GABRG3: variants seen among roughly 807,000 people sequenced by gnomAD.
GABRG3 encodes the protein gamma-aminobutyric acid receptor subunit gamma-3.
In GABRG3, 25 loss-of-function variants were observed where a neutral mutation model predicts 48.8. The ratio of observed to expected loss-of-function variants is 0.51; its 90% CI spans 0.37 to 0.72. GABRG3 has a LOEUF of 0.72. GABRG3 is among the 30% of genes least tolerant of loss of function. The pLI, the probability that GABRG3 is intolerant of heterozygous loss-of-function variation, is 0.00. For synonymous variants in GABRG3, 227 were observed against 217.6 expected (o/e 1.04, Z -0.38); for missense variants, 394 against 577.9 (o/e 0.68, Z 3.26).
chr15:27,428,555 T>C (rs78738350), intron 5 of GABRG3, among the ~76,000 whole-genome samples: 4,080 of 152,376 alleles, frequency 0.027, 85 homozygotes, highest in Non-Finnish European at 0.044. Flanking sequence ...TGACACTTTT[T>C]TTATTATTTG....
In GABRG3 at chr15:26,976,733, T is replaced by A. The variant is rs1309250473; in HGVS notation, c.54-269T>A. Among the ~76,000 whole-genome samples the A allele has an allele frequency of 6.6e-6, 1 of 152,216 alleles. No individual in the cohort carries two copies. Among genetic ancestry groups the A allele is most frequent in the Non-Finnish European group, 1.5e-5 (1 of 68,038 alleles). On this transcript the variant is annotated intron_variant, in intron 1 of 9. Transcript: ENST00000615808. This position sits in a 1 kb window ranked among gnomAD's most constrained non-coding sequence, Gnocchi z 7.8. ...CTCTGGTGTTGTTTACCTGCCACGT[T>A]GTCTGTAGTTTAACTGGGATGGGGG...
At chr15:27,161,874 A>G (rs1483640171) in intron 3 of GABRG3, among the ~76,000 whole-genome samples, 1 of 152,190 alleles carries the variant, frequency 6.6e-6, no homozygotes, top group African/African-American at 2.4e-5. Flanking sequence ...TCTATAAACT[A>G]AAGGATGTGA....
At chr15:27,393,095 G>C (rs34305490) in intron 5 of GABRG3, among the ~76,000 whole-genome samples, 9,230 of 152,000 alleles carry the variant, frequency 0.061, 392 homozygotes, top group South Asian at 0.18. Flanking sequence ...CCTGTAATCC[G>C]AGCACTTTGG....
At chr15:27,211,465 T>C (rs997749353) in intron 3 of GABRG3, among the ~76,000 whole-genome samples, 4 of 152,230 alleles carry the variant, frequency 2.6e-5, no homozygotes, top group Admixed American at 6.5e-5. Flanking sequence ...TAAATACTTC[T>C]AAATCAGATA....
chr15:27,013,206 T>A (rs1010653408), intron 2 of GABRG3, among the ~76,000 whole-genome samples: 6 of 152,138 alleles, frequency 3.9e-5, no homozygotes, highest in Non-Finnish European at 5.9e-5. Context: ...CTTAACATGA[T>A]GTCCTCAAAG....
intron 3 of GABRG3, among the ~76,000 whole-genome samples, chr15:27,246,440 GATAA>G (rs1890273086): frequency 6.6e-6 from 1 of 152,098 alleles, no homozygotes; most frequent in South Asian, 2.1e-4. Context: ...AATGTGCAAA[GATAA>G]ATAGATAGGT....
chr15:27,046,763 G>A (rs1425293492), intron 3 of GABRG3, among the ~76,000 whole-genome samples: 1 of 152,166 alleles, frequency 6.6e-6, no homozygotes, highest in Non-Finnish European at 1.5e-5. Context: ...TAAAATGTCA[G>A]TCCACTCTTG....
intron 5 of GABRG3, among the ~76,000 whole-genome samples, chr15:27,396,537 C>A (rs752011181): frequency 1.9e-4 from 29 of 152,188 alleles, no homozygotes; most frequent in Non-Finnish European, 3.4e-4. Context: ...AGCTCTTACA[C>A]ATTTCCTCTG....
chr15:27,532,815 G>A lies in GABRG3; in HGVS notation c.1338G>A (p.Arg446=). 3 of 1,613,932 alleles carry A rather than the reference G, an allele frequency of 1.9e-6. No individual in the cohort carries two copies. The highest frequency in any genetic ancestry group is 2.5e-6 in the Non-Finnish European group (3 of 1,179,880). ...TCTTGGAGCTGGACTCGTACTCCCG[G>A]GTCTTTTTCCCCACGTCCTTCCTGC... ...IDILELDSYS[R]VFFPTSFLLF... is the part of the protein sequence containing the mutation. Residue 446 remains arginine, a synonymous_variant, in exon 10 of 10, where the codon CGG becomes CGA. Coordinates refer to ENST00000615808, the MANE Select transcript of GABRG3 (RefSeq NM_033223.5).
At chr15:27,030,298 C>A (rs1595482257) in intron 3 of GABRG3, among the ~76,000 whole-genome samples, 1 of 152,294 alleles carries the variant, frequency 6.6e-6, no homozygotes, top group South Asian at 2.1e-4. Flanking sequence ...TCCTCTTCTT[C>A]CTCCTCCTTC....
chr15:27,492,653 T>C (rs1247908350), intron 6 of GABRG3, among the ~76,000 whole-genome samples: 1 of 152,274 alleles, frequency 6.6e-6, no homozygotes, highest in African/African-American at 2.4e-5. Context: ...GTTTGTTTCA[T>C]AAGCAGATTT....
At chr15:27,239,083 AG>A (rs1425262084) in intron 3 of GABRG3, among the ~76,000 whole-genome samples, 2 of 152,214 alleles carry the variant, frequency 1.3e-5, no homozygotes, top group Non-Finnish European at 2.9e-5. Flanking sequence ...AGGGAGGAAA[AG>A]GAGGACAAAG....
At chr15:27,042,615 G>A (rs1031848793) in intron 3 of GABRG3, among the ~76,000 whole-genome samples, 2 of 152,348 alleles carry the variant, frequency 1.3e-5, no homozygotes, top group South Asian at 4.1e-4. Context: ...ACTCGCTGGT[G>A]CAATTCTGTG....
intron 3 of GABRG3, among the ~76,000 whole-genome samples, chr15:27,098,330 A>G (rs975672703): frequency 2.0e-5 from 3 of 152,130 alleles, no homozygotes; most frequent in African/African-American, 7.2e-5. Context: ...GCTACTCGGG[A>G]GGCTGATACA....
At chr15:27,520,647 T>TTTTTTTTTTTTTTTTTTTTTTTTG (rs1683276698) in intron 7 of GABRG3, among the ~76,000 whole-genome samples, 1 of 143,400 alleles carries the variant, frequency 7.0e-6, no homozygotes, top group African/African-American at 2.7e-5. Context: ...CAAAATCTTC[T>TTTTTTTTTTTTTTTTTTTTTTTTG]TAATAAAACA....
At chr15:27,003,228 TTTATTTA>T (rs1468734819) in intron 2 of GABRG3, among the ~76,000 whole-genome samples, 1 of 146,882 alleles carries the variant, frequency 6.8e-6, no homozygotes, top group African/African-American at 2.5e-5. Context: ...TATTTATTTA[TTTATTTA>T]TTTTTTATTG....
At chr15:27,276,070 A>G (rs4467041) in intron 3 of GABRG3, among the ~76,000 whole-genome samples, 99,543 of 152,086 alleles carry the variant, frequency 0.65, 33,620 homozygotes, top group African/African-American at 0.78. Context: ...AGAACGAGCA[A>G]AGGCTGTTCA....
At chr15:27,354,104 T>C (rs1195339842) in intron 5 of GABRG3, among the ~76,000 whole-genome samples, 5 of 152,206 alleles carry the variant, frequency 3.3e-5, no homozygotes, top group Non-Finnish European at 7.3e-5. Context: ...ACTAAGAAGC[T>C]GGATGCCTTT....
At chr15:27,479,472 A>T (rs1443636344) in intron 5 of GABRG3, among the ~76,000 whole-genome samples, 4 of 152,222 alleles carry the variant, frequency 2.6e-5, no homozygotes. Context: ...TTAGTCTTTC[A>T]ATGGTGGAGC....
Sources: allele counts gnomAD v4.1 joint callset (sites outside exome capture counted in the v4.1 genomes callset), GRCh38; gene constraint gnomAD v4.1.1; non-coding constraint Gnocchi (gnomAD v3.1); transcripts MANE v1.5; gene names NCBI Gene and HGNC (gene_info 2026-07-23, HGNC 2026-07-21).